The following MAP4K5 variants were observed in gnomAD, a reference collection of about 807,000 sequenced individuals.
MAP4K5 encodes the protein MAPK/ERK kinase kinase kinase 5.
A neutral mutation model predicts 135.6 loss-of-function variants in MAP4K5; 82 were observed. The ratio of observed to expected loss-of-function variants is 0.60; its 90% CI spans 0.51 to 0.73. The LOEUF (loss-of-function observed/expected upper bound fraction) is 0.73, where lower values mean the gene tolerates loss of function less well. Among genes scored for constraint, MAP4K5 ranks in the 30% least tolerant of loss-of-function variants. The probability of loss-of-function intolerance (pLI) is 0.00; values close to 1 mark genes in which losing one functional copy is unlikely to be tolerated. For synonymous variants in MAP4K5, 347 were observed against 335.0 expected, an observed-to-expected ratio of 1.04 and a Z score of -0.39; for missense variants, 907 against 1,010.9, an observed-to-expected ratio of 0.90 and a Z score of 1.39.
chr14:50,532,095 G>A lies in MAP4K5; in HGVS notation c.-46C>T, dbSNP rs750538932. The A allele has an allele frequency of 1.6e-6, 2 of 1,247,762 alleles. No individual in the cohort carries two copies. Among genetic ancestry groups the A allele is most frequent in the South Asian group, 2.6e-5 (2 of 76,750 alleles). The allele number at this position is 1,247,762 out of a possible 1,614,324, so 77.3% of individuals were successfully genotyped here. On this transcript the variant is annotated 5_prime_UTR_variant, in exon 2 of 33. Transcript: ENST00000682126. ...CCGCCAGCTCACCCCGCGGCTCCCG[G>A]ATTCCCGCTAACAAGCACGAACGGC...
intron 2 of MAP4K5, among the ~76,000 whole-genome samples, chr14:50,526,457 G>A (rs550276248): frequency 8.5e-5 from 13 of 152,180 alleles, no homozygotes; most frequent in South Asian, 2.1e-4. Flanking sequence ...CACCATGCCC[G>A]GCTAATTTTT....
chr14:50,457,702 T>G (rs1195407700), intron 13 of MAP4K5, among the ~76,000 whole-genome samples: 1 of 152,124 alleles, frequency 6.6e-6, no homozygotes, highest in Admixed American at 6.6e-5. Flanking sequence ...ACACATGAAT[T>G]TCCTCTATAT....
At chr14:50,440,309 C>G in intron 22 of MAP4K5, 53 bp downstream of exon 22, 2 of 1,183,020 alleles carry the variant, frequency 1.7e-6, no homozygotes, top group Non-Finnish European at 1.2e-6. Context: ...AATTAAGACA[C>G]TTCTTTATTC....
intron 13 of MAP4K5, among the ~76,000 whole-genome samples, chr14:50,458,491 T>C (rs1046591988): frequency 1.3e-5 from 2 of 152,190 alleles, no homozygotes; most frequent in Non-Finnish European, 2.9e-5. Flanking sequence ...TCACTCAATC[T>C]AGCTCCCCCT....
chr14:50,439,189 T>C (rs947422610), intron 23 of MAP4K5, among the ~76,000 whole-genome samples: 24 of 151,952 alleles, frequency 1.6e-4, no homozygotes, highest in African/African-American at 5.3e-4. Context: ...AGCTCAAATA[T>C]ACAGATTCTT....
At position 50,419,740 on chromosome 14, in the gene MAP4K5, GT is replaced by G. The variant is rs895401521; in HGVS notation, c.*278del. 2.0e-5 allele frequency: 6 copies of G among 301,048 alleles called. No homozygotes were observed. The highest frequency in any genetic ancestry group is 4.2e-5 in the African/African-American group (2 of 47,474). 18.6% of individuals were successfully genotyped at this position (301,048 alleles called of 1,614,324 possible). ...CCATGGCACCCTTGTTACAAACATT[GT>G]TTTTTTTAAAAAAAGACTGTGTTTC... On this transcript the variant is annotated 3_prime_UTR_variant, in exon 33 of 33. Transcript: ENST00000682126.
chr14:50,456,624 T>A (rs1370226465), intron 13 of MAP4K5, 30 bp from the exon 14 acceptor site: 3 of 1,367,918 alleles, frequency 2.2e-6, no homozygotes, highest in Non-Finnish European at 2.9e-6. Context: ...ATATATACTT[T>A]AACAAATTTC....
At chr14:50,538,178 G>A (rs1466618073) in intron 2 of MAP4K5, among the ~76,000 whole-genome samples, 1 of 152,110 alleles carries the variant, frequency 6.6e-6, no homozygotes, top group Admixed American at 6.5e-5. Flanking sequence ...GAGATCTGAT[G>A]GTTTTAAAAA....
intron 1 of MAP4K5, 93 bp downstream of exon 1, chr14:50,532,355 C>A (rs2038416098): frequency 6.6e-6 from 2 of 304,928 alleles, no homozygotes; most frequent in East Asian, 1.3e-4. Flanking sequence ...GCGAACTGCC[C>A]GACGAGGCCT....
At chr14:50,439,372 C>A (rs2144974) in intron 23 of MAP4K5, among the ~76,000 whole-genome samples, 125,684 of 149,394 alleles carry the variant, frequency 0.84, 54,361 homozygotes, top group East Asian at 0.93. Context: ...CACCTACCCA[C>A]CCGTTCACCC....
intron 17 of MAP4K5, 150 bp from the exon 18 acceptor site, chr14:50,445,344 A>C (rs1417643955): frequency 1.3e-5 from 7 of 540,086 alleles, no homozygotes; most frequent in African/African-American, 1.9e-5. Context: ...ACTGCCCAAC[A>C]CAACTATCAA....
intron 31 of MAP4K5, 43 bp from the exon 32 acceptor site, chr14:50,423,219 A>G: frequency 1.3e-6 from 1 of 780,952 alleles, no homozygotes; most frequent in Non-Finnish European, 2.2e-6. Flanking sequence ...TACTCCCCAT[A>G]TTGCCTTAAT....
upstream of MAP4K5, among the ~76,000 whole-genome samples, chr14:50,533,821 A>T (rs965043983): frequency 1.4e-4 from 21 of 152,148 alleles, no homozygotes; most frequent in Non-Finnish European, 2.4e-4. Context: ...CTTATTGTTG[A>T]TAATTGTATA....
chr14:50,434,362 C>T (rs1244290326), intron 28 of MAP4K5, 32 bp downstream of exon 28: 2 of 1,536,794 alleles, frequency 1.3e-6, no homozygotes, highest in Non-Finnish European at 1.8e-6. Flanking sequence ...GCAAAAATAT[C>T]AATATTCTAA....
rs958185235 is a variant in MAP4K5, at chr14:50,443,585, A to G, written c.1479+144T>C. On this transcript the variant is annotated intron_variant, in intron 20 of 32. Transcript: ENST00000682126. The stretch of plus-strand genomic sequence containing the variant: ...AATTCACACACTCAAATTAGAATAC[A>G]TGATGAGATATCCAAATGCATTCAA... 2.6e-5 allele frequency: 18 copies of G among 682,474 alleles called. No individual in the cohort carries two copies. The East Asian group carries it at 4.8e-4, about 18-fold the overall frequency. The allele number at this position is 682,474 out of a possible 1,614,324, so 42.3% of individuals were successfully genotyped here. A position where few individuals can be genotyped will look rare whatever the true frequency, so the allele number is the denominator to read the frequency against.
At chr14:50,428,634 ACT>A in intron 30 of MAP4K5, 26 bp downstream of exon 30, 1 of 1,269,432 alleles carries the variant, frequency 7.9e-7, no homozygotes, top group Non-Finnish European at 1.1e-6. Context: ...AGTATCGCAA[ACT>A]GATTTATGAA....
chr14:50,557,899 C>T (rs1191606524), intron 1 of MAP4K5, among the ~76,000 whole-genome samples: 1 of 152,128 alleles, frequency 6.6e-6, no homozygotes, highest in Non-Finnish European at 1.5e-5. Flanking sequence ...GAACCTGAAA[C>T]ATTTTCTTTT....
At position 50,468,729 on chromosome 14, in the gene MAP4K5, C is replaced by G; in HGVS notation, c.596G>C (p.Cys199Ser). 6.2e-7 allele frequency: 1 copy of G among 1,612,758 alleles called. No homozygotes were observed. Among genetic ancestry groups the G allele is most frequent in the Middle Eastern group, 1.6e-4 (1 of 6,062 alleles). ...TGTTATTCCTACTGCCCAGATATCA[C>G]AGAGTTGGTTGTAGCCACCATTCTT... Reference protein sequence around the residue: ...VEKNGGYNQLCDIWAVGITAI... With the variant: ...VEKNGGYNQLSDIWAVGITAI... Residue 199 changes from cysteine to serine, a missense_variant, in exon 10 of 33, where the codon TGT (cysteine) becomes TCT (serine). Coordinates refer to ENST00000682126, the MANE Select transcript of MAP4K5 (RefSeq NM_006575.6).
intron 9 of MAP4K5, among the ~76,000 whole-genome samples, chr14:50,473,716 C>CTTT (rs398077753): frequency 0.029 from 2,807 of 95,398 alleles, 129 homozygotes; most frequent in African/African-American, 0.075. Flanking sequence ...TTTGGTTTCA[C>CTTT]TTTTTTTTTT....
Sources: gnomAD v4.1 joint callset for allele counts (sites outside exome capture counted in the v4.1 genomes callset) on GRCh38, gnomAD v4.1.1 for gene constraint, MANE v1.5 for transcripts, NCBI Gene and HGNC (gene_info 2026-07-23, HGNC 2026-07-21) for gene names.